Variants in CNTNAP5 observed in about 807,000 individuals in gnomAD.
CNTNAP5 encodes contactin-associated protein-like 5.
Under a neutral mutation model 150.2 loss-of-function variants are expected in CNTNAP5, and 72 were observed. The ratio of observed to expected loss-of-function variants is 0.48; its 90% CI spans 0.40 to 0.58. The LOEUF (loss-of-function observed/expected upper bound fraction) is 0.58, where lower values mean the gene tolerates loss of function less well. CNTNAP5 is among the 20% of genes least tolerant of loss of function. The pLI, the probability that CNTNAP5 is intolerant of heterozygous loss-of-function variation, is 0.00. For missense variants in CNTNAP5, 1,636 were observed against 1,626.2 expected, an observed-to-expected ratio of 1.01 and a Z score of -0.10; for synonymous variants, 672 against 619.8, an observed-to-expected ratio of 1.08 and a Z score of -1.25.
chr2:124,160,170 G>A (rs547056304), intron 1 of CNTNAP5, among the ~76,000 whole-genome samples: 1 of 152,082 alleles, frequency 6.6e-6, no homozygotes, highest in South Asian at 2.1e-4. Flanking sequence ...TGAGTCTAAA[G>A]GTATGAGAAC....
intron 1 of CNTNAP5, among the ~76,000 whole-genome samples, chr2:124,175,511 A>G (rs1569274): frequency 0.98 from 149,071 of 152,244 alleles, 73,064 homozygotes; most frequent in South Asian, 1. Context: ...ATTGCACGAT[A>G]CTTAGGTTTG....
chr2:124,135,896 T>C (rs1297046025), intron 1 of CNTNAP5, among the ~76,000 whole-genome samples: 1 of 152,152 alleles, frequency 6.6e-6, no homozygotes, highest in Non-Finnish European at 1.5e-5. Flanking sequence ...ACAATCACAA[T>C]CTCCTTCACG....
chr2:124,242,364 A>C lies in CNTNAP5; in HGVS notation c.352A>C (p.Lys118Gln), dbSNP rs377746974. 6.8e-6 allele frequency: 11 copies of C among 1,613,140 alleles called. No homozygotes were observed. Among genetic ancestry groups the C allele is most frequent in the African/African-American group, 1.3e-5 (1 of 75,014 alleles). ...GTTCAGTGACACAGGACGCAACTGG[A>C]AACAGTACAAACAAGAAGACAGCAT... ...LMFSDTGRNWKQYKQEDSIWT... is the reference protein window; with the variant it reads ...LMFSDTGRNWQQYKQEDSIWT... The change falls in exon 3 of 24, where the codon AAA becomes CAA. Residue 118 changes from lysine to glutamine, a missense_variant. Lys to Gln is a moderately conservative substitution (Grantham distance 53, BLOSUM62 1). Coordinates refer to ENST00000682447, the MANE Select transcript of CNTNAP5 (RefSeq NM_001367498.1).
chr2:124,788,842 AG>A (rs1434368373), intron 17 of CNTNAP5, among the ~76,000 whole-genome samples: 1 of 152,118 alleles, frequency 6.6e-6, no homozygotes, highest in Admixed American at 6.5e-5. Flanking sequence ...CATGTTGGCC[AG>A]GCGGGTCTTG....
chr2:124,810,759 GTTCT>G lies in CNTNAP5; in HGVS notation c.3217+12440_3217+12443del, dbSNP rs564800305. Among the ~76,000 whole-genome samples, 413 of 152,200 alleles carry G rather than the reference GTTCT, an allele frequency of 2.7e-3. 5 individuals carry two copies. Among genetic ancestry groups the G allele is most frequent in the African/African-American group, 9.5e-3 (396 of 41,548 alleles). ...AGAGAAAAACCAGTCTGGGTCAATG[GTTCT>G]CAGCTGGGCATGCTATTGCCCTCCC... On this transcript the variant is annotated intron_variant, in intron 19 of 23. Transcript: ENST00000682447.
chr2:124,055,975 C>T (rs986835890), intron 1 of CNTNAP5, among the ~76,000 whole-genome samples: 2 of 151,958 alleles, frequency 1.3e-5, no homozygotes, highest in African/African-American at 4.8e-5. Context: ...AGTAAAACAC[C>T]TATGCCTCTT....
intron 3 of CNTNAP5, among the ~76,000 whole-genome samples, chr2:124,335,127 A>G (rs1178979325): frequency 6.6e-6 from 1 of 152,138 alleles, no homozygotes; most frequent in Non-Finnish European, 1.5e-5. Context: ...TAGTGTCTCT[A>G]GTCTCCACCC....
At chr2:124,277,941 C>T (rs941696249) in intron 3 of CNTNAP5, among the ~76,000 whole-genome samples, 1 of 152,152 alleles carries the variant, frequency 6.6e-6, no homozygotes, top group Non-Finnish European at 1.5e-5. Context: ...TTGTTACCTT[C>T]CCATCAAGTG....
At chr2:124,774,801 G>C (rs1170623311) in intron 17 of CNTNAP5, among the ~76,000 whole-genome samples, 1 of 152,088 alleles carries the variant, frequency 6.6e-6, no homozygotes, top group African/African-American at 2.4e-5. Flanking sequence ...ACCCTTTCAT[G>C]CAAAATTTAT....
intron 10 of CNTNAP5, among the ~76,000 whole-genome samples, chr2:124,554,881 C>G (rs992698771): frequency 6.6e-6 from 1 of 152,178 alleles, no homozygotes; most frequent in Non-Finnish European, 1.5e-5. Flanking sequence ...AAAATTCACT[C>G]TTGGCAGGGG....
intron 11 of CNTNAP5, among the ~76,000 whole-genome samples, chr2:124,579,963 A>G (rs1443247465): frequency 1.3e-5 from 2 of 152,260 alleles, no homozygotes; most frequent in Admixed American, 6.5e-5. Flanking sequence ...ATGTGACATA[A>G]TCAAACTAAG....
At chr2:124,179,211 C>T (rs145053837) in intron 1 of CNTNAP5, among the ~76,000 whole-genome samples, 1,624 of 152,050 alleles carry the variant, frequency 0.011, 30 homozygotes, top group African/African-American at 0.036. Context: ...GGCTGGAGTA[C>T]AGCAGTAGCG....
At chr2:124,783,061 A>G (rs1681487846) in intron 17 of CNTNAP5, among the ~76,000 whole-genome samples, 1 of 152,218 alleles carries the variant, frequency 6.6e-6, no homozygotes, top group South Asian at 2.1e-4. Context: ...TTTAAATCAT[A>G]TTCGACCTCT....
At chr2:124,212,125 A>G (rs1382088725) in intron 1 of CNTNAP5, among the ~76,000 whole-genome samples, 2 of 152,220 alleles carry the variant, frequency 1.3e-5, no homozygotes, top group East Asian at 3.9e-4. Flanking sequence ...TATTCAATGC[A>G]TAATCATCTG....
rs201477275 is a variant in CNTNAP5 at position 124,320,036 on chromosome 2, A to G, written c.381+77643A>G. ...TGTTTTAATGTCCACAAAATCTTCC[A>G]CGGTACAGGTATGTTACAGTCTTTT... On this transcript the variant is annotated intron_variant, in intron 3 of 23. Transcript: ENST00000682447. 6.6e-5 allele frequency among the ~76,000 whole-genome samples: 10 copies of G among 152,190 alleles called. No individual in the cohort carries two copies. In the East Asian group the frequency reaches 1.9e-3, roughly 29 times the overall value.
chr2:124,699,189 C>CT (rs1221562983), intron 13 of CNTNAP5, among the ~76,000 whole-genome samples: 1 of 123,238 alleles, frequency 8.1e-6, no homozygotes, highest in Non-Finnish European at 1.8e-5. Context: ...CAAATCACCC[C>CT]TAAGAAGATT....
intron 18 of CNTNAP5, among the ~76,000 whole-genome samples, chr2:124,795,434 T>C (rs1573622461): frequency 6.6e-6 from 1 of 152,258 alleles, no homozygotes; most frequent in East Asian, 1.9e-4. Context: ...CTCTGGAAAA[T>C]ATTGTCTCTG....
At chr2:124,499,864 G>T (rs977858107) in intron 7 of CNTNAP5, among the ~76,000 whole-genome samples, 2 of 152,108 alleles carry the variant, frequency 1.3e-5, no homozygotes, top group Non-Finnish European at 2.9e-5. Context: ...AAATAGATTT[G>T]AAAGAGAGAT....
At chr2:124,089,371 C>T (rs546312767) in intron 1 of CNTNAP5, among the ~76,000 whole-genome samples, 1 of 151,970 alleles carries the variant, frequency 6.6e-6, no homozygotes, top group Admixed American at 6.5e-5. Flanking sequence ...TTTTACTACA[C>T]TCTTGGTGTT....
Sources: gnomAD v4.1 joint callset for allele counts (sites outside exome capture counted in the v4.1 genomes callset) on GRCh38, gnomAD v4.1.1 for gene constraint, MANE v1.5 for transcripts, NCBI Gene and HGNC (gene_info 2026-07-23, HGNC 2026-07-21) for gene names.